Variants in ARHGEF12 observed in about 807,000 individuals in gnomAD.
ARHGEF12 encodes the protein Rho guanine nucleotide exchange factor 12.
A neutral mutation model predicts 211.2 loss-of-function variants in ARHGEF12; 66 were observed. The observed-to-expected ratio is 0.31, with a 90% CI of 0.26 to 0.38. ARHGEF12 has a LOEUF of 0.38. Among genes scored for constraint, ARHGEF12 ranks in the 10% least tolerant of loss-of-function variants. The probability of loss-of-function intolerance (pLI) is 1.00; values close to 1 mark genes in which losing one functional copy is unlikely to be tolerated. For synonymous variants in ARHGEF12, 592 were observed against 638.4 expected, an observed-to-expected ratio of 0.93 and a Z score of 1.09; for missense variants, 1,429 against 1,869.5, an observed-to-expected ratio of 0.76 and a Z score of 4.34.
At chr11:120,408,595 A>G (rs1944786422) in intron 3 of ARHGEF12, 1 of 152,104 alleles carries the variant, frequency 6.6e-6, no homozygotes, top group African/African-American at 2.4e-5. Flanking sequence ...GCTATCTCAG[A>G]TACATAAAAA....
chr11:120,341,992 T>C (rs1489294347), intron 1 of ARHGEF12, among the ~76,000 whole-genome samples: 1 of 152,238 alleles, frequency 6.6e-6, no homozygotes, highest in African/African-American at 2.4e-5. Flanking sequence ...ACAGGGCAGA[T>C]CATGCTTCTG....
At chr11:120,474,772 T>A (rs1263219401) in intron 32 of ARHGEF12, 137 bp downstream of exon 32, 2 of 607,186 alleles carry the variant, frequency 3.3e-6, no homozygotes, top group Non-Finnish European at 5.8e-6. Context: ...TTTGTACATT[T>A]GTAGATCTGC....
At chr11:120,384,020 T>G (rs1943955289) in intron 1 of ARHGEF12, among the ~76,000 whole-genome samples, 1 of 152,140 alleles carries the variant, frequency 6.6e-6, no homozygotes, top group Non-Finnish European at 1.5e-5. Context: ...GCTTCGTGTT[T>G]CTTAGGATAC....
At position 120,475,647 on chromosome 11, in the gene ARHGEF12, CT is replaced by C. The variant is rs964792797; in HGVS notation, c.3277+142del. 4 of 886,512 alleles carry C rather than the reference CT, an allele frequency of 4.5e-6. No individual in the cohort carries two copies. The African/African-American group carries it at 5.1e-5, about 11-fold the overall frequency. 54.9% of individuals were successfully genotyped at this position (886,512 alleles called of 1,614,324 possible). A position where few individuals can be genotyped will look rare whatever the true frequency, so the allele number is the denominator to read the frequency against. On this transcript the variant is annotated intron_variant, in intron 33 of 40. Coordinates refer to ENST00000397843, the MANE Select transcript of ARHGEF12 (RefSeq NM_015313.3). Reference sequence around the variant, plus strand: ...TAAGCAAATTACATGAAATTTACTGCTTAGAAAGAGACCTAAGAGTTTATAC... The same window carrying C: ...TAAGCAAATTACATGAAATTTACTGCTAGAAAGAGACCTAAGAGTTTATAC...
intron 26 of ARHGEF12, among the ~76,000 whole-genome samples, chr11:120,460,183 C>G (rs1946487263): frequency 6.6e-6 from 1 of 152,018 alleles, no homozygotes; most frequent in Admixed American, 6.6e-5. Flanking sequence ...TTTTATCTTT[C>G]TTTTTCATGT....
chr11:120,445,415 A>C lies in ARHGEF12; in HGVS notation c.1303-7A>C. On this transcript the variant is annotated splice_region_variant and splice_polypyrimidine_tract_variant and intron_variant, in intron 15 of 40. Transcript: ENST00000397843. ...TTGTTACACCTTTTGTTTGCATTTC[A>C]TTTTAGCACCTGAAAGTTTCTGTTC... The C allele has an allele frequency of 6.2e-7, 1 of 1,614,036 alleles. No homozygotes were observed. The highest frequency in any genetic ancestry group is 8.5e-7 in the Non-Finnish European group (1 of 1,179,948).
Position 120,457,200 on chromosome 11 carries a change from C to T in ARHGEF12, c.2139C>T (p.Phe713=). The change falls in exon 23 of 41, where the codon TTC becomes TTT. Residue 713 remains phenylalanine (F), a synonymous_variant. Transcript: ENST00000397843. ...TPRTLNTVFD[F]PPPPLDQVQE... is the part of the protein sequence containing the mutation. ...GTACTCTCAATACTGTCTTTGATTTCCCACCACCTCCATTAGACCAAGTGC... is the reference window on the plus strand; with the variant it reads ...GTACTCTCAATACTGTCTTTGATTTTCCACCACCTCCATTAGACCAAGTGC... The T allele has an allele frequency of 6.2e-7, 1 of 1,614,098 alleles. No homozygotes were observed. The highest frequency in any genetic ancestry group is 8.5e-7 in the Non-Finnish European group (1 of 1,179,988).
chr11:120,431,658 A>G, intron 10 of ARHGEF12, 113 bp from the exon 11 acceptor site: 1 of 1,191,754 alleles, frequency 8.4e-7, no homozygotes, highest in Non-Finnish European at 1.1e-6. Flanking sequence ...CAGAATGTCC[A>G]ACTTTTAGTA....
intron 12 of ARHGEF12, among the ~76,000 whole-genome samples, chr11:120,438,036 C>T (rs530538611): frequency 1.3e-5 from 2 of 152,272 alleles, no homozygotes; most frequent in African/African-American, 4.8e-5. Context: ...GCCTTGCCTT[C>T]AGTTTTTGTG....
chr11:120,347,183 C>CCTTGCTTCCTTCCTTCCTTCCTTTCTTT (rs1555090041), intron 1 of ARHGEF12, among the ~76,000 whole-genome samples: 5 of 100,322 alleles, frequency 5.0e-5, no homozygotes, highest in African/African-American at 1.8e-4. Flanking sequence ...TTCCTTCCTT[C>CCTTGCTTCCTTCCTTCCTTCCTTTCTTT]CTTTCTTTCT....
chr11:120,414,086 A>G lies in ARHGEF12; in HGVS notation c.199+4636A>G, dbSNP rs951953927. Among the ~76,000 whole-genome samples the G allele has an allele frequency of 4.6e-5, 7 of 152,294 alleles. No individual in the cohort carries two copies. The East Asian group carries it at 7.7e-4, about 17-fold the overall frequency. ...TCTTTTTATGTTGGTTTTAAGTGCC[A>G]CATTGTAATAACAGAAAAAATATGT... On this transcript the variant is annotated intron_variant, in intron 4 of 40. Transcript: ENST00000397843.
chr11:120,445,978 G>T (rs1028205264), intron 16 of ARHGEF12, among the ~76,000 whole-genome samples: 1 of 152,000 alleles, frequency 6.6e-6, no homozygotes, highest in African/African-American at 2.4e-5. Context: ...GAGGCGGGTG[G>T]ATCACGAGGT....
intron 39 of ARHGEF12, among the ~76,000 whole-genome samples, chr11:120,483,569 G>A (rs1947317480): frequency 6.6e-6 from 1 of 151,770 alleles, no homozygotes; most frequent in East Asian, 1.9e-4. Flanking sequence ...GATTACAGGT[G>A]CCCGCCACCA....
intron 4 of ARHGEF12, among the ~76,000 whole-genome samples, chr11:120,419,456 T>A (rs1945120729): frequency 8.2e-6 from 1 of 122,088 alleles, no homozygotes; most frequent in African/African-American, 3.2e-5. Flanking sequence ...GTCTTGACGA[T>A]TTCCTTTTGT....
At chr11:120,380,748 A>G (rs779247486) in intron 1 of ARHGEF12, among the ~76,000 whole-genome samples, 1 of 152,140 alleles carries the variant, frequency 6.6e-6, no homozygotes, top group East Asian at 1.9e-4. Flanking sequence ...GAAGGGGGAG[A>G]TATCTACATA....
At chr11:120,441,202 T>G (rs1180868466) in intron 13 of ARHGEF12, among the ~76,000 whole-genome samples, 4 of 152,168 alleles carry the variant, frequency 2.6e-5, no homozygotes, top group Non-Finnish European at 5.9e-5. Flanking sequence ...TTTAGAATGA[T>G]TTGGGAATAT....
chr11:120,467,842 G>C (rs887890300), intron 29 of ARHGEF12, among the ~76,000 whole-genome samples: 5 of 152,166 alleles, frequency 3.3e-5, no homozygotes, highest in African/African-American at 1.2e-4. Flanking sequence ...CATAGACCAA[G>C]TCATGCTCAC....
intron 1 of ARHGEF12, among the ~76,000 whole-genome samples, chr11:120,398,867 G>C (rs1018896055): frequency 1.3e-5 from 2 of 151,558 alleles, no homozygotes; most frequent in Non-Finnish European, 1.5e-5. Flanking sequence ...TTTTATATTC[G>C]TATAACCTCT....
chr11:120,364,932 A>C (rs1293283860), intron 1 of ARHGEF12, among the ~76,000 whole-genome samples: 1 of 150,620 alleles, frequency 6.6e-6, no homozygotes, highest in African/African-American at 2.4e-5. Flanking sequence ...TACTACAGGC[A>C]CACACCACCA....
Sources: allele counts gnomAD v4.1 joint callset (sites outside exome capture counted in the v4.1 genomes callset), GRCh38; gene constraint gnomAD v4.1.1; transcripts MANE v1.5; gene names NCBI Gene and HGNC (gene_info 2026-07-23, HGNC 2026-07-21).